The following MYLK variants were observed in gnomAD, a reference collection of about 807,000 sequenced individuals.
MYLK encodes myosin light chain kinase, smooth muscle.
A neutral mutation model predicts 203.4 loss-of-function variants in MYLK; 106 were observed. The observed-to-expected ratio is 0.52, with a 90% confidence interval of 0.45 to 0.61. The LOEUF is 0.61. MYLK is among the 20% of genes least tolerant of loss of function. The pLI is 0.00. For synonymous variants in MYLK, 867 were observed against 959.5 expected, an observed-to-expected ratio of 0.90 and a Z score of 1.78; for missense variants, 2,072 against 2,442.3, an observed-to-expected ratio of 0.85 and a Z score of 3.20.
intron 16 of MYLK, among the ~76,000 whole-genome samples, chr3:123,704,588 C>A (rs1264072094): frequency 6.6e-6 from 1 of 151,984 alleles, no homozygotes; most frequent in African/African-American, 2.4e-5. Flanking sequence ...TGGATGGGTT[C>A]TATATGGAAA....
chr3:123,666,114 G>A (rs1480983427), intron 22 of MYLK, 105 bp downstream of exon 22: 4 of 1,569,230 alleles, frequency 2.5e-6, no homozygotes, highest in Admixed American at 1.7e-5. Context: ...CTAAAGCTAC[G>A]AAGAGTGAGG....
At chr3:123,695,478 G>A (rs1419445370) in intron 18 of MYLK, among the ~76,000 whole-genome samples, 1 of 152,242 alleles carries the variant, frequency 6.6e-6, no homozygotes, top group Non-Finnish European at 1.5e-5. Context: ...TGTAGCAGGT[G>A]ATCTGGTAGG....
At chr3:123,714,187 T>G (rs1216189185) in intron 13 of MYLK, among the ~76,000 whole-genome samples, 1 of 152,154 alleles carries the variant, frequency 6.6e-6, no homozygotes, top group Non-Finnish European at 1.5e-5. Flanking sequence ...TGTTTTACAG[T>G]GGAGGGAGCT....
At chr3:123,663,440 G>A (rs1055906698) in intron 23 of MYLK, among the ~76,000 whole-genome samples, 2 of 152,142 alleles carry the variant, frequency 1.3e-5, no homozygotes, top group African/African-American at 2.4e-5. Flanking sequence ...GTGCTGGGGG[G>A]TGAAGAAGCG....
intron 3 of MYLK, among the ~76,000 whole-genome samples, chr3:123,797,252 T>C (rs917918161): frequency 6.6e-6 from 1 of 152,202 alleles, no homozygotes. Flanking sequence ...ATAGCATTTA[T>C]AGCATATAGT....
chr3:123,746,561 T>C (rs550584038), intron 5 of MYLK, among the ~76,000 whole-genome samples: 1 of 152,164 alleles, frequency 6.6e-6, no homozygotes, highest in Non-Finnish European at 1.5e-5. Flanking sequence ...AGATTCCAGC[T>C]AAAGGAAATT....
rs1434780622 is a variant in MYLK at position 123,817,558 on chromosome 3, G to C, written c.-4+13990C>G. Among the ~76,000 whole-genome samples, 4 of 152,194 alleles carry C rather than the reference G, an allele frequency of 2.6e-5. No individual in the cohort carries two copies. The East Asian group carries it at 7.7e-4, about 29-fold the overall frequency. On this transcript the variant is annotated intron_variant, in intron 3 of 33. Coordinates refer to ENST00000360304, the MANE Select transcript of MYLK (RefSeq NM_053025.4). The stretch of plus-strand genomic sequence containing the variant: ...CAGAGCAGCACTGGCCCAACCACCT[G>C]TTCCCACTTGCTTTTTAAAGCTTGG...
intron 23 of MYLK, among the ~76,000 whole-genome samples, chr3:123,658,616 T>C (rs1212975566): frequency 6.6e-6 from 1 of 152,206 alleles, no homozygotes; most frequent in Non-Finnish European, 1.5e-5. Flanking sequence ...TGAAACTGGT[T>C]TGTTTGCCTG....
intron 2 of MYLK, among the ~76,000 whole-genome samples, chr3:123,850,604 T>C (rs2030670506): frequency 6.6e-6 from 1 of 152,248 alleles, no homozygotes; most frequent in Non-Finnish European, 1.5e-5. Context: ...TGTTTTTTTC[T>C]TGTAAATTTG....
chr3:123,750,498 T>C (rs2063159929), intron 5 of MYLK, among the ~76,000 whole-genome samples: 1 of 152,160 alleles, frequency 6.6e-6, no homozygotes. Context: ...TTTATATGCC[T>C]CCCCTGTATT....
intron 3 of MYLK, among the ~76,000 whole-genome samples, chr3:123,799,458 C>A (rs1164415906): frequency 6.6e-6 from 1 of 152,130 alleles, no homozygotes; most frequent in East Asian, 1.9e-4. Context: ...AACCAGTTAT[C>A]CCCTTCCCTA....
rs372442674 is a variant in MYLK, at chr3:123,683,194, G to A, written c.3566-884C>T. On this transcript the variant is annotated intron_variant, in intron 19 of 33. Coordinates refer to ENST00000360304, the MANE Select transcript of MYLK (RefSeq NM_053025.4). ...TCACTGGCCTTCCTTTCCCCACAAGGAGCACTCTTTGGGGACGGCGCTGAG... is the reference window on the plus strand; with the variant it reads ...TCACTGGCCTTCCTTTCCCCACAAGAAGCACTCTTTGGGGACGGCGCTGAG... Among the ~76,000 whole-genome samples the A allele has an allele frequency of 2.2e-3, 338 of 151,716 alleles. 1 individual carries two copies. The highest frequency in any genetic ancestry group is 7.7e-3 in the African/African-American group (320 of 41,380).
At chr3:123,639,374 C>G (rs1418264285) in intron 28 of MYLK, among the ~76,000 whole-genome samples, 1 of 152,252 alleles carries the variant, frequency 6.6e-6, no homozygotes, top group African/African-American at 2.4e-5. Flanking sequence ...TCAGCCAGCA[C>G]TGAACATCGT....
At chr3:123,878,883 C>T (rs1174490227) in intron 1 of MYLK, among the ~76,000 whole-genome samples, 3 of 152,170 alleles carry the variant, frequency 2.0e-5, no homozygotes, top group Non-Finnish European at 4.4e-5. Context: ...GATGGGGTTT[C>T]ACCACGTTGG....
At position 123,864,838 on chromosome 3, in the gene MYLK, C is replaced by T. The variant is rs1181612026; in HGVS notation, c.-127+11721G>A. On this transcript the variant is annotated intron_variant, in intron 2 of 33. Transcript: ENST00000360304. ...GGAGGATCGTTTGAGCCCAGGAGTT[C>T]GAGACTGCAACCACTGCACTCTAGC... Among the ~76,000 whole-genome samples the T allele has an allele frequency of 2.0e-5, 3 of 152,124 alleles. No homozygotes were observed. The East Asian group carries it at 5.8e-4, about 29-fold the overall frequency.
intron 23 of MYLK, among the ~76,000 whole-genome samples, chr3:123,662,742 G>A (rs1279476861): frequency 1.3e-5 from 2 of 152,206 alleles, no homozygotes; most frequent in African/African-American, 4.8e-5. Context: ...ACACAGGAAA[G>A]GCTAGTTTGC....
intron 29 of MYLK, among the ~76,000 whole-genome samples, chr3:123,635,374 G>T (rs1279086743): frequency 1.3e-5 from 2 of 152,232 alleles, no homozygotes; most frequent in African/African-American, 4.8e-5. Context: ...GAGAGCCCTG[G>T]CTTGCCGGGG....
intron 4 of MYLK, among the ~76,000 whole-genome samples, chr3:123,786,191 T>G (rs551927537): frequency 5.5e-4 from 84 of 151,640 alleles, no homozygotes; most frequent in African/African-American, 2.0e-3. Flanking sequence ...TAGTCCCAGC[T>G]ACTCAGGAGG....
rs1326702481 is a variant in MYLK at position 123,700,975 on chromosome 3, G to A, written c.2493C>T (p.Leu831=). The A allele has an allele frequency of 6.2e-7, 1 of 1,608,038 alleles. No individual in the cohort carries two copies. The highest frequency in any genetic ancestry group is 8.5e-7 in the Non-Finnish European group (1 of 1,179,982). The change falls in exon 18 of 34, where the codon CTC becomes CTT. Residue 831 remains leucine, a synonymous_variant. Transcript: ENST00000360304. ...CATCAGCACCAACTCCTCCACCACA[G>A]AGGTCCTCGCAGCTGGCAGGCTCCC... ...RGREPASCED[L]CGGGVGADGG... is the part of the protein sequence containing the mutation.
Sources: gnomAD v4.1 joint callset for allele counts (sites outside exome capture counted in the v4.1 genomes callset) on GRCh38, gnomAD v4.1.1 for gene constraint, MANE v1.5 for transcripts, NCBI Gene and HGNC (gene_info 2026-07-23, HGNC 2026-07-21) for gene names.